NR4A1: variants seen among roughly 807,000 people sequenced by gnomAD.
NR4A1 encodes the protein nuclear receptor subfamily 4immunitygroup A member 1.
In NR4A1, 24 loss-of-function variants were observed where a neutral mutation model predicts 47.5. The ratio of observed to expected loss-of-function variants is 0.50; its 90% CI spans 0.37 to 0.71. The LOEUF is 0.71. Among genes scored for constraint, NR4A1 ranks in the 30% least tolerant of loss-of-function variants. NR4A1 has a pLI of 0.00. For missense variants in NR4A1, 669 were observed against 788.6 expected, an observed-to-expected ratio of 0.85 and a Z score of 1.82; for synonymous variants, 353 against 345.7, an observed-to-expected ratio of 1.02 and a Z score of -0.24.
chr12:52,054,002 G>GGGA, intron 1 of NR4A1: 1 of 294,634 alleles, frequency 3.4e-6, no homozygotes. Flanking sequence ...GGGGGCTGGA[G>GGGA]GAACACAGCT....
chr12:52,041,834 GC>G, exon 2 of NR4A1: 1 of 1,495,084 alleles, frequency 6.7e-7, no homozygotes, highest in South Asian at 1.4e-5. Context: ...CAGAGGCCAG[GC>G]CCTGCCCCTC....
In NR4A1 at chr12:52,053,957, G is replaced by A. The variant is rs761855370; in HGVS notation, c.-2-370G>A. The A allele has an allele frequency of 5.5e-4, 125 of 229,122 alleles. 1 individual carries two copies. Among genetic ancestry groups the A allele is most frequent in the Non-Finnish European group, 9.1e-4 (107 of 117,086 alleles). The allele number at this position is 229,122 out of a possible 1,614,324, so 14.2% of individuals were successfully genotyped here. On this transcript the variant is annotated intron_variant, in intron 1 of 6. Coordinates refer to ENST00000394825, the MANE Select transcript of NR4A1 (RefSeq NM_173157.3). ...TGCCTCTCCCACTCACCCTTCTCCC[G>A]GCCCCCACCATGCCTTCCCCATGGG...
chr12:52,039,843 A>G (rs1410221573), intron 1 of NR4A1, among the ~76,000 whole-genome samples: 5 of 152,192 alleles, frequency 3.3e-5, no homozygotes, highest in African/African-American at 7.2e-5. Context: ...ATGGGAATGG[A>G]AACCTGGTTG....
chr12:52,055,297 T>C, intron 2 of NR4A1, 93 bp downstream of exon 2: 2 of 1,525,750 alleles, frequency 1.3e-6, no homozygotes, highest in Non-Finnish European at 1.8e-6. Context: ...TGGGTTCTCC[T>C]CCTAGCTAAG....
At chr12:52,041,753 C>T in intron 1 of NR4A1, 2 of 1,259,146 alleles carry the variant, frequency 1.6e-6, no homozygotes, top group Non-Finnish European at 2.0e-6. Context: ...ATGCTGTCTC[C>T]AGGGAATGTG....
At chr12:52,045,252 C>T (rs1938587501) in intron 2 of NR4A1, among the ~76,000 whole-genome samples, 1 of 152,232 alleles carries the variant, frequency 6.6e-6, no homozygotes, top group Non-Finnish European at 1.5e-5. Context: ...AGCTGAGGAC[C>T]CTGCTATCTC....
Position 52,059,123 on chromosome 12 carries a change from A to C in NR4A1, c.*179A>C. On this transcript the variant is annotated 3_prime_UTR_variant, in exon 7 of 7. Transcript: ENST00000394825. ...AGCCCTTGGGGAGGGGGATGCCTTC[A>C]TGGGGGTGACCCCACGATTTGTCTT... 1 of 763,062 alleles carries C rather than the reference A, an allele frequency of 1.3e-6. No homozygotes were observed. The highest frequency in any genetic ancestry group is 1.9e-5 in the South Asian group (1 of 52,566). 47.3% of individuals were successfully genotyped at this position (763,062 alleles called of 1,614,324 possible). A position where few individuals can be genotyped will look rare whatever the true frequency, so the allele number is the denominator to read the frequency against.
chr12:52,039,632 C>T (rs1408901729), intron 1 of NR4A1, among the ~76,000 whole-genome samples: 3 of 152,242 alleles, frequency 2.0e-5, no homozygotes, highest in South Asian at 2.1e-4. Flanking sequence ...CACCCTTCCA[C>T]GCACACTTAC....
intron 2 of NR4A1, chr12:52,043,693 G>A: frequency 8.0e-7 from 1 of 1,243,882 alleles, no homozygotes; most frequent in Non-Finnish European, 1.0e-6. Context: ...TATATAAACA[G>A]AGGAGGACAC....
chr12:52,052,586 C>A lies in NR4A1; in HGVS notation c.-3+1018C>A. 3 of 985,722 alleles carry A rather than the reference C, an allele frequency of 3.0e-6. No individual in the cohort carries two copies. In the South Asian group the frequency reaches 1.4e-4, roughly 46 times the overall value. The allele number at this position is 985,722 out of a possible 1,614,324, so 61.1% of individuals were successfully genotyped here. A position where few individuals can be genotyped will look rare whatever the true frequency, so the allele number is the denominator to read the frequency against. On this transcript the variant is annotated intron_variant, in intron 1 of 6. Transcript: ENST00000394825. ...TGAAGCCGGATTCTCCCCACTGCCT[C>A]CTTCAACCCCGCCTCTTCCTCCTCC...
upstream of NR4A1, chr12:52,051,410 G>A (rs1938931217): frequency 5.1e-6 from 5 of 985,560 alleles, no homozygotes; most frequent in Non-Finnish European, 6.0e-6. Flanking sequence ...GCGTCACGGA[G>A]CGCTTAAGAG....
Position 52,054,233 on chromosome 12 carries a change from C to T in NR4A1, c.-2-94C>T, listed in dbSNP as rs542249182. The T allele has an allele frequency of 2.0e-5, 22 of 1,101,038 alleles. No individual in the cohort carries two copies. The Admixed American group carries it at 5.0e-4, about 25-fold the overall frequency. 68.2% of individuals were successfully genotyped at this position (1,101,038 alleles called of 1,614,324 possible). A position where few individuals can be genotyped will look rare whatever the true frequency, so the allele number is the denominator to read the frequency against. On this transcript the variant is annotated intron_variant, in intron 1 of 6. Coordinates refer to ENST00000394825, the MANE Select transcript of NR4A1 (RefSeq NM_173157.3). ...CATCTTTAGGCTGGGATTCCTGCCA[C>T]CTTGCTGCTCTGGGGCCCAAATACT...
At chr12:52,052,465 C>A (rs1939034258) in intron 1 of NR4A1, 4 of 985,566 alleles carry the variant, frequency 4.1e-6, no homozygotes, top group Non-Finnish European at 4.8e-6. Context: ...CCTATGCCCC[C>A]TCCCCCAGTA....
At chr12:52,047,921 A>G (rs576117677), upstream of NR4A1, among the ~76,000 whole-genome samples, 24 of 152,284 alleles carry the variant, frequency 1.6e-4, no homozygotes, top group South Asian at 2.5e-3. Flanking sequence ...TTGGGAGGCC[A>G]AGGCGGGTGG....
At chr12:52,025,375 C>G (rs1937981328) in intron 1 of NR4A1, among the ~76,000 whole-genome samples, 1 of 152,132 alleles carries the variant, frequency 6.6e-6, no homozygotes, top group African/African-American at 2.4e-5. Flanking sequence ...TCGGCACTGC[C>G]CTCAACCACA....
chr12:52,043,556 C>A, intron 2 of NR4A1: 2 of 495,238 alleles, frequency 4.0e-6, no homozygotes, highest in Non-Finnish European at 6.4e-6. Flanking sequence ...GGCCCAGGGT[C>A]ACGCTCATGC....
At chr12:52,031,803 G>A (rs536715902) in intron 1 of NR4A1, among the ~76,000 whole-genome samples, 3 of 126,818 alleles carry the variant, frequency 2.4e-5, no homozygotes, top group South Asian at 4.9e-4. Context: ...TTTTTGAGAC[G>A]GAGTCTCGCT....
chr12:52,049,640 A>G (rs1938820208), upstream of NR4A1, among the ~76,000 whole-genome samples: 1 of 152,258 alleles, frequency 6.6e-6, no homozygotes, highest in Non-Finnish European at 1.5e-5. Context: ...GGGCAACAGA[A>G]CAAGACCTTG....
rs146031652 is a variant in NR4A1, at chr12:52,053,167, G to A, written c.-2-1160G>A. Among the ~76,000 whole-genome samples the A allele has an allele frequency of 1.5e-3, 223 of 152,276 alleles. 1 individual carries two copies. The highest frequency in any genetic ancestry group is 5.2e-3 in the African/African-American group (214 of 41,538). ...GACCCCAGGTGTGTAGGTTGGGAGG[G>A]AGACTGTCCTGGAGCCTCCTCTGCA... On this transcript the variant is annotated intron_variant, in intron 1 of 6. Transcript: ENST00000394825.
Sources: gnomAD v4.1 joint callset for allele counts (sites outside exome capture counted in the v4.1 genomes callset) on GRCh38, gnomAD v4.1.1 for gene constraint, MANE v1.5 for transcripts, NCBI Gene and HGNC (gene_info 2026-07-23, HGNC 2026-07-21) for gene names.